The following FHIT variants were observed in gnomAD, a reference collection of about 807,000 sequenced individuals.
The protein encoded by FHIT is bis(5'-adenosyl)-triphosphatase.
FHIT carries 19 observed loss-of-function variants against 17.9 expected under a neutral mutation model. The observed-to-expected ratio is 1.06, with a 90% CI of 0.74 to 1.56. The LOEUF is 1.56. Ranked by LOEUF, FHIT falls within the 40% of genes most tolerant of loss-of-function variation. The probability of loss-of-function intolerance (pLI) is 0.00; values close to 1 mark genes in which losing one functional copy is unlikely to be tolerated. For missense variants in FHIT, 248 were observed against 189.2 expected, an observed-to-expected ratio of 1.31 and a Z score of -1.82; for synonymous variants, 81 against 69.7, an observed-to-expected ratio of 1.16 and a Z score of -0.81.
intron 8 of FHIT, among the ~76,000 whole-genome samples, chr3:59,804,451 A>G (rs1362141600): frequency 6.6e-6 from 1 of 152,186 alleles, no homozygotes; most frequent in Non-Finnish European, 1.5e-5. Context: ...AAATGCGCAA[A>G]CAAAGCAAGG....
chr3:60,182,983 G>A (rs1473738453), intron 5 of FHIT, among the ~76,000 whole-genome samples: 1 of 151,442 alleles, frequency 6.6e-6, no homozygotes, highest in African/African-American at 2.4e-5. Flanking sequence ...TTCTGTCCAT[G>A]ACAACTCCCC....
At chr3:60,362,876 C>T (rs1340307832) in intron 5 of FHIT, among the ~76,000 whole-genome samples, 1 of 152,088 alleles carries the variant, frequency 6.6e-6, no homozygotes, top group African/African-American at 2.4e-5. Flanking sequence ...GGCAAAAAGG[C>T]CCGTGTCAGA....
chr3:60,431,762 C>T (rs77177472), intron 5 of FHIT, among the ~76,000 whole-genome samples: 2 of 151,966 alleles, frequency 1.3e-5, no homozygotes, highest in African/African-American at 2.4e-5. Flanking sequence ...TCAAACACCC[C>T]CTTCTGGTGA....
At chr3:60,106,464 A>C (rs115486474) in intron 5 of FHIT, among the ~76,000 whole-genome samples, 138 of 152,338 alleles carry the variant, frequency 9.1e-4, no homozygotes, top group Non-Finnish European at 1.7e-3. Flanking sequence ...TGCTTAATTA[A>C]GATGGAAAAG....
chr3:60,590,182 A>G (rs1553663686), intron 4 of FHIT, among the ~76,000 whole-genome samples: 4 of 152,072 alleles, frequency 2.6e-5, no homozygotes, highest in Non-Finnish European at 1.5e-5. Context: ...TTTCTTGCTC[A>G]AGTCTGCAAG....
chr3:61,021,917 A>G (rs1479266240), intron 3 of FHIT, among the ~76,000 whole-genome samples: 1 of 152,162 alleles, frequency 6.6e-6, no homozygotes, highest in Non-Finnish European at 1.5e-5. Context: ...TCGACACCCT[A>G]ACCTCACAAT....
At chr3:59,823,751 G>A (rs986282122) in intron 8 of FHIT, among the ~76,000 whole-genome samples, 24 of 152,122 alleles carry the variant, frequency 1.6e-4, no homozygotes, top group African/African-American at 4.6e-4. Flanking sequence ...ATACTGCACA[G>A]GGAAAAGTTG....
intron 5 of FHIT, among the ~76,000 whole-genome samples, chr3:60,288,458 G>T (rs192533696): frequency 6.6e-5 from 10 of 152,286 alleles, no homozygotes; most frequent in Admixed American, 5.2e-4. Context: ...ACCTCACAAT[G>T]TTGGTGGAAA....
chr3:60,030,421 T>C (rs1052327660), intron 5 of FHIT, among the ~76,000 whole-genome samples: 2 of 152,200 alleles, frequency 1.3e-5, no homozygotes, highest in African/African-American at 4.8e-5. Context: ...TTTTCATCCT[T>C]GGATCCAAAG....
intron 4 of FHIT, among the ~76,000 whole-genome samples, chr3:60,688,604 G>A (rs1553698988): frequency 6.6e-6 from 1 of 151,720 alleles, no homozygotes; most frequent in Non-Finnish European, 1.5e-5. Flanking sequence ...GCTAATTTTT[G>A]TATTTTTAGT....
chr3:60,431,167 C>T (rs543286577), intron 5 of FHIT, among the ~76,000 whole-genome samples: 1 of 151,522 alleles, frequency 6.6e-6, no homozygotes, highest in African/African-American at 2.4e-5. Flanking sequence ...GCTGAGATCG[C>T]ACCACTGCAC....
intron 5 of FHIT, among the ~76,000 whole-genome samples, chr3:60,341,562 A>G (rs1710517323): frequency 6.6e-6 from 1 of 152,122 alleles, no homozygotes; most frequent in South Asian, 2.1e-4. Context: ...TGAAGGTAAC[A>G]CACCATTGGT....
At chr3:59,785,938 C>G (rs1699266360) in intron 8 of FHIT, among the ~76,000 whole-genome samples, 1 of 152,298 alleles carries the variant, frequency 6.6e-6, no homozygotes, top group South Asian at 2.1e-4. Flanking sequence ...TCCGCTAATA[C>G]CTTCAACACC....
intron 3 of FHIT, among the ~76,000 whole-genome samples, chr3:60,923,573 C>A (rs529726293): frequency 1.3e-5 from 2 of 152,032 alleles, no homozygotes; most frequent in East Asian, 3.9e-4. Context: ...AACATATTCA[C>A]GAGGTGGAGC....
At chr3:60,377,524 G>C (rs1040306043) in intron 5 of FHIT, among the ~76,000 whole-genome samples, 3 of 132,026 alleles carry the variant, frequency 2.3e-5, no homozygotes, top group African/African-American at 8.6e-5. Flanking sequence ...GCCCAGGCCG[G>C]ACTGCGGACT....
At chr3:60,553,301 G>A in intron 4 of FHIT, 1 of 489,944 alleles carries the variant, frequency 2.0e-6, no homozygotes, top group Non-Finnish European at 2.6e-6. Context: ...CATTGTTTTG[G>A]TTAAAGTTGT....
At chr3:60,248,345 A>G (rs1000808417) in intron 5 of FHIT, among the ~76,000 whole-genome samples, 1 of 152,174 alleles carries the variant, frequency 6.6e-6, no homozygotes, top group Non-Finnish European at 1.5e-5. Flanking sequence ...TAAGAGATCA[A>G]CTGGGGATCT....
chr3:60,230,986 G>A (rs570742577), intron 5 of FHIT, among the ~76,000 whole-genome samples: 17 of 152,284 alleles, frequency 1.1e-4, no homozygotes, highest in Admixed American at 9.2e-4. Context: ...GATTACAGGC[G>A]TGAGCCACCA....
At chr3:60,222,483 T>C (rs1346867054) in intron 5 of FHIT, among the ~76,000 whole-genome samples, 1 of 152,162 alleles carries the variant, frequency 6.6e-6, no homozygotes, top group Non-Finnish European at 1.5e-5. Context: ...TTAATTGTGG[T>C]TCTTGCCATT....
Sources: gnomAD v4.1 joint callset for allele counts (sites outside exome capture counted in the v4.1 genomes callset) on GRCh38, gnomAD v4.1.1 for gene constraint, MANE v1.5 for transcripts, NCBI Gene and HGNC (gene_info 2026-07-23, HGNC 2026-07-21) for gene names.